Variants in IL1RAPL1 observed in about 807,000 individuals in gnomAD.
The protein encoded by IL1RAPL1 is interleukin 1 receptor accessory protein like 1.
IL1RAPL1 carries 3 observed loss-of-function variants against 48.4 expected under a neutral mutation model. The ratio of observed to expected loss-of-function variants is 0.06; its 90% CI spans 0.03 to 0.16. The LOEUF is 0.16. IL1RAPL1 is among the 10% of genes least tolerant of loss of function. The pLI, the probability that IL1RAPL1 is intolerant of heterozygous loss-of-function variation, is 1.00. For synonymous variants in IL1RAPL1, 185 were observed against 187.7 expected (o/e 0.99, Z 0.12); for missense variants, 349 against 530.6 (o/e 0.66, Z 3.36).
chrX:29,220,613 A>G (rs1471057253), intron 2 of IL1RAPL1, among the ~76,000 whole-genome samples: 1 of 112,382 alleles, frequency 8.9e-6, no homozygotes, highest in Non-Finnish European at 1.9e-5. Flanking sequence ...TGGTAGAAAT[A>G]TGTGGTAGAT....
At chrX:28,647,540 G>A (rs982752305) in intron 1 of IL1RAPL1, among the ~76,000 whole-genome samples, 1 of 112,369 alleles carries the variant, frequency 8.9e-6, no homozygotes, top group Non-Finnish European at 1.9e-5. Flanking sequence ...AGTCTTAGTA[G>A]GATCTCAAAA....
At chrX:28,930,521 T>G (rs1351814823) in intron 2 of IL1RAPL1, among the ~76,000 whole-genome samples, 1 of 112,748 alleles carries the variant, frequency 8.9e-6, no homozygotes, top group Non-Finnish European at 1.9e-5. Context: ...GGGCATCGTG[T>G]ATAGAGTGTC....
At chrX:29,214,322 G>A (rs1468030517) in intron 2 of IL1RAPL1, among the ~76,000 whole-genome samples, 1 of 111,006 alleles carries the variant, frequency 9.0e-6, no homozygotes, top group Non-Finnish European at 1.9e-5. Flanking sequence ...TTGGTTAAGG[G>A]CTTATGTGTT....
chrX:28,902,327 A>G (rs754409604), intron 2 of IL1RAPL1, among the ~76,000 whole-genome samples: 239 of 111,254 alleles, frequency 2.1e-3, no homozygotes, highest in African/African-American at 7.6e-3. Context: ...GCATGCCACC[A>G]TGCCTTCCTC....
intron 3 of IL1RAPL1, among the ~76,000 whole-genome samples, chrX:29,360,584 A>G (rs1270122616): frequency 2.7e-5 from 3 of 112,029 alleles, no homozygotes; most frequent in African/African-American, 9.7e-5. Context: ...TTTTACATAA[A>G]TACCACACAT....
At chrX:29,944,277 G>A (rs1005906710) in intron 9 of IL1RAPL1, among the ~76,000 whole-genome samples, 2 of 111,265 alleles carry the variant, frequency 1.8e-5, no homozygotes, top group South Asian at 3.8e-4. Context: ...TACTAGAACC[G>A]CAATCACATG....
intron 6 of IL1RAPL1, among the ~76,000 whole-genome samples, chrX:29,909,572 T>C (rs1481302299): frequency 8.9e-6 from 1 of 111,756 alleles, no homozygotes; most frequent in African/African-American, 3.3e-5. Flanking sequence ...TGCCTAGAAA[T>C]ACAGCTAGCC....
intron 6 of IL1RAPL1, among the ~76,000 whole-genome samples, chrX:29,694,240 A>G (rs1222742781): frequency 2.7e-5 from 3 of 111,803 alleles, no homozygotes; most frequent in South Asian, 3.7e-4. Flanking sequence ...ATCCTGTCAA[A>G]CAAGGGATTT....
At chrX:28,669,613 C>G (rs1016815413) in intron 1 of IL1RAPL1, among the ~76,000 whole-genome samples, 10 of 101,787 alleles carry the variant, frequency 9.8e-5, no homozygotes, top group Non-Finnish European at 2.0e-4. Context: ...GTGAGAGGCT[C>G]TATCTCAAAA....
chrX:29,745,953 A>AT (rs1024673614), intron 6 of IL1RAPL1, among the ~76,000 whole-genome samples: 1 of 111,609 alleles, frequency 9.0e-6, no homozygotes, highest in African/African-American at 3.3e-5. Flanking sequence ...GTTCTTCATG[A>AT]TTTTTTTCTA....
chrX:29,355,436 A>G (rs1933288900), intron 3 of IL1RAPL1, among the ~76,000 whole-genome samples: 1 of 112,203 alleles, frequency 8.9e-6, no homozygotes, highest in Non-Finnish European at 1.9e-5. Flanking sequence ...TTTATCAGAT[A>G]TATTTTTCTG....
intron 2 of IL1RAPL1, among the ~76,000 whole-genome samples, chrX:28,826,107 A>G (rs1936993049): frequency 8.9e-6 from 1 of 111,982 alleles, no homozygotes; most frequent in Non-Finnish European, 1.9e-5. Flanking sequence ...AGGCTTAAAA[A>G]TGTGCAGTGT....
chrX:29,402,054 C>T (rs1204584382), intron 5 of IL1RAPL1, among the ~76,000 whole-genome samples: 1 of 111,066 alleles, frequency 9.0e-6, no homozygotes, highest in East Asian at 2.8e-4. Flanking sequence ...CCACCATGCC[C>T]AGCTAATTTT....
intron 2 of IL1RAPL1, among the ~76,000 whole-genome samples, chrX:29,137,864 T>A (rs1178403333): frequency 8.9e-6 from 1 of 112,687 alleles, no homozygotes. Flanking sequence ...TGTGACCTTT[T>A]ATAAGTCACT....
At chrX:29,741,935 GAAAAAAAAA>G (rs1182352727) in intron 6 of IL1RAPL1, among the ~76,000 whole-genome samples, 17 of 61,834 alleles carry the variant, frequency 2.7e-4, no homozygotes, top group Non-Finnish European at 4.9e-4. Flanking sequence ...AAAAAAAAAA[GAAAAAAAAA>G]AAAAAAAAAA....
At chrX:29,508,542 G>GA (rs1176917262) in intron 5 of IL1RAPL1, among the ~76,000 whole-genome samples, 136 of 110,644 alleles carry the variant, frequency 1.2e-3, no homozygotes, top group Non-Finnish European at 2.4e-3. Context: ...AATACCCAAA[G>GA]AAAAAAAACA....
intron 3 of IL1RAPL1, among the ~76,000 whole-genome samples, chrX:29,392,704 A>G (rs753391148): frequency 2.0e-4 from 22 of 112,109 alleles, no homozygotes; most frequent in African/African-American, 7.1e-4. Flanking sequence ...CTTTCTGAAG[A>G]TTAGGGGACA....
At chrX:29,238,567 A>G in intron 2 of IL1RAPL1, among the ~76,000 whole-genome samples, 1 of 111,345 alleles carries the variant, frequency 9.0e-6, no homozygotes, top group East Asian at 2.8e-4. Flanking sequence ...ACTCGATTAC[A>G]TCTGAATCTG....
chrX:28,624,265 A>G (rs1179394993), intron 1 of IL1RAPL1, among the ~76,000 whole-genome samples: 1 of 111,759 alleles, frequency 8.9e-6, no homozygotes, highest in East Asian at 2.8e-4. Flanking sequence ...GATGTGTTTG[A>G]TTTCTGCTCC....
Sources: gnomAD v4.1 joint callset for allele counts (sites outside exome capture counted in the v4.1 genomes callset) on GRCh38, gnomAD v4.1.1 for gene constraint, MANE v1.5 for transcripts, NCBI Gene and HGNC (gene_info 2026-07-23, HGNC 2026-07-21) for gene names.